The following SENP6 variants were observed in gnomAD, a reference collection of about 807,000 sequenced individuals.
SENP6 encodes the protein sentrin-specific protease 6.
Under a neutral mutation model 134.5 loss-of-function variants are expected in SENP6, and 41 were observed. The observed-to-expected ratio is 0.30, with a 90% CI of 0.24 to 0.40. SENP6 has a LOEUF of 0.40. Ranked by LOEUF, SENP6 falls within the 10% of genes least tolerant of loss-of-function variation. The probability of loss-of-function intolerance (pLI) is 1.00; values close to 1 mark genes in which losing one functional copy is unlikely to be tolerated. For missense variants in SENP6, 1,248 were observed against 1,312.5 expected (o/e 0.95, Z 0.76); for synonymous variants, 395 against 429.8 (o/e 0.92, Z 1.00).
In SENP6 at chr6:75,713,675, G is replaced by C; in HGVS notation, c.2979G>C (p.Glu993Asp). The C allele has an allele frequency of 6.2e-7, 1 of 1,608,612 alleles. No individual in the cohort carries two copies. The highest frequency in any genetic ancestry group is 2.2e-5 in the East Asian group (1 of 44,796). The change falls in exon 23 of 24, where the codon GAG becomes GAC. Residue 993 changes from glutamate to aspartate, a missense_variant and splice_region_variant. Physicochemically the swap from Glu to Asp is conservative, Grantham distance 45 (BLOSUM62 2). Around this residue, in one of 3 missense-constraint regions of SENP6, gnomAD observed 386 missense variants for 395.0 expected, o/e 0.98. Transcript: ENST00000447266. ...TCTTAATATATATGAATTATTGCAG[G>C]TATTTAGAAGTGGAATGGGAAGTTA... ...SRSNVVKILR[E>D]YLEVEWEVKK...
chr6:75,709,717 C>A, intron 20 of SENP6, 87 bp downstream of exon 20: 2 of 864,066 alleles, frequency 2.3e-6, no homozygotes, highest in South Asian at 1.6e-5. Context: ...CACCTGTAGT[C>A]CCAGTGACTT....
intron 19 of SENP6, among the ~76,000 whole-genome samples, chr6:75,704,985 G>A (rs1775292954): frequency 1.3e-5 from 2 of 152,212 alleles, no homozygotes; most frequent in South Asian, 4.1e-4. Flanking sequence ...CAAAGTTACA[G>A]CATCTCAGGG....
chr6:75,676,959 A>G (rs1487255982), intron 13 of SENP6, 71 bp from the exon 14 acceptor site: 20 of 752,372 alleles, frequency 2.7e-5, no homozygotes, highest in Non-Finnish European at 4.3e-5. Context: ...AGAATTAATA[A>G]TTACTCCTTT....
At chr6:75,660,424 A>G (rs1378799015) in intron 8 of SENP6, among the ~76,000 whole-genome samples, 1 of 152,132 alleles carries the variant, frequency 6.6e-6, no homozygotes, top group South Asian at 2.1e-4. Flanking sequence ...GCATGTACAT[A>G]TGAATACTTT....
intron 1 of SENP6, among the ~76,000 whole-genome samples, chr6:75,619,157 C>T (rs1206980679): frequency 1.3e-5 from 2 of 151,948 alleles, no homozygotes; most frequent in African/African-American, 4.8e-5. Context: ...GTGCAGCCAC[C>T]ACCAATATTT....
chr6:75,609,764 GTTTTGT>G (rs1018206029), intron 1 of SENP6, among the ~76,000 whole-genome samples: 1 of 152,120 alleles, frequency 6.6e-6, no homozygotes, highest in African/African-American at 2.4e-5. Context: ...TTAGTTTAAT[GTTTTGT>G]TTTTGTTTTT....
intron 16 of SENP6, among the ~76,000 whole-genome samples, chr6:75,691,704 C>T (rs997006156): frequency 6.6e-6 from 1 of 152,000 alleles, no homozygotes; most frequent in Non-Finnish European, 1.5e-5. Flanking sequence ...GAGGCATTCT[C>T]CTGCCTCAGC....
intron 1 of SENP6, among the ~76,000 whole-genome samples, chr6:75,609,988 A>G (rs1223441945): frequency 6.6e-6 from 1 of 152,070 alleles, no homozygotes; most frequent in East Asian, 1.9e-4. Flanking sequence ...GGGTTTCTCC[A>G]TGTTGTCCAG....
At chr6:75,648,546 T>G (rs527731738) in intron 7 of SENP6, among the ~76,000 whole-genome samples, 1 of 152,188 alleles carries the variant, frequency 6.6e-6, no homozygotes, top group Non-Finnish European at 1.5e-5. Context: ...TGAAAATCTT[T>G]TGTGCATGTA....
intron 1 of SENP6, among the ~76,000 whole-genome samples, chr6:75,606,298 G>C (rs961801042): frequency 2.0e-5 from 3 of 152,166 alleles, no homozygotes; most frequent in Non-Finnish European, 4.4e-5. Flanking sequence ...TTAAGCCACA[G>C]CTTGTGTTAA....
Position 75,675,927 on chromosome 6 carries a change from T to A in SENP6, c.1494T>A (p.Asn498Lys). The A allele has an allele frequency of 6.2e-7, 1 of 1,612,576 alleles. No homozygotes were observed. Reference protein sequence around the residue: ...TSDLTKCEWCNVRKLPVVFLQ... With the variant: ...TSDLTKCEWCKVRKLPVVFLQ... Reference sequence around the variant, plus strand: ...ATCTAACTAAATGTGAATGGTGTAATGTCCGAAAATTACCTGTAGTGTTTC... The same window carrying A: ...ATCTAACTAAATGTGAATGGTGTAAAGTCCGAAAATTACCTGTAGTGTTTC... The change falls in exon 13 of 24, where the codon AAT becomes AAA. Residue 498 changes from asparagine (N) to lysine (K), a missense_variant. Physicochemically the swap from Asn to Lys is moderately conservative, Grantham distance 94. This residue lies in a region of SENP6 where 733 missense variants were observed against 725.4 expected (regional missense o/e 1.01). Transcript: ENST00000447266.
rs570562796 is a variant in SENP6, at chr6:75,716,085, T to C, written c.*491T>C. ...ATATTTTGAACTAAGCATCTTTATA[T>C]GCTTGTGTAACAGGAACAAAGTAAC... On this transcript the variant is annotated 3_prime_UTR_variant, in exon 24 of 24. Coordinates refer to ENST00000447266, the MANE Select transcript of SENP6 (RefSeq NM_015571.4). The C allele has an allele frequency of 1.3e-5, 2 of 152,616 alleles. No individual in the cohort carries two copies. The highest frequency in any genetic ancestry group is 1.3e-4 in the Admixed American group (2 of 15,288). The allele number at this position is 152,616 out of a possible 1,614,324, so 9.5% of individuals were successfully genotyped here.
chr6:75,673,210 A>G (rs912089885), intron 11 of SENP6, among the ~76,000 whole-genome samples: 3 of 152,172 alleles, frequency 2.0e-5, no homozygotes, highest in Admixed American at 2.0e-4. Flanking sequence ...TATTAGGAAT[A>G]CCACATATGC....
intron 1 of SENP6, among the ~76,000 whole-genome samples, chr6:75,612,349 A>G (rs748257325): frequency 2.8e-4 from 42 of 152,266 alleles, no homozygotes; most frequent in Non-Finnish European, 5.7e-4. Flanking sequence ...TGCTGCATTT[A>G]TATTTCTAAG....
chr6:75,677,377 C>A, intron 14 of SENP6, 121 bp downstream of exon 14: 1 of 791,904 alleles, frequency 1.3e-6, no homozygotes, highest in South Asian at 2.4e-5. Context: ...TTCAGAATTA[C>A]TTACTTTTAT....
rs367595448 is a variant in SENP6, at chr6:75,715,351, C to T, written c.3130-34C>T. The T allele has an allele frequency of 5.6e-6, 8 of 1,418,510 alleles. No homozygotes were observed. The African/African-American group carries it at 1.2e-4, about 20-fold the overall frequency. 87.9% of individuals were successfully genotyped at this position (1,418,510 alleles called of 1,614,324 possible). A position where few individuals can be genotyped will look rare whatever the true frequency, so the allele number is the denominator to read the frequency against. On this transcript the variant is annotated intron_variant, in intron 23 of 23. Coordinates refer to ENST00000447266, the MANE Select transcript of SENP6 (RefSeq NM_015571.4). ...GATTGAAATGAAAGGTTATTTATTA[C>T]AGTTTTCTAATACGCATTTAATTGT...
intron 11 of SENP6, among the ~76,000 whole-genome samples, chr6:75,672,211 T>C (rs1029712366): frequency 6.6e-5 from 10 of 152,216 alleles, no homozygotes; most frequent in African/African-American, 2.4e-4. Context: ...CTGTAACTTT[T>C]ACGGCTTTCT....
Position 75,695,898 on chromosome 6 carries a change from A to G in SENP6, c.2170A>G (p.Arg724Gly). Residue 724 changes from arginine (R) to glycine (G), a missense_variant, in exon 17 of 24, where the codon AGA (arginine) becomes GGA (glycine). Arg to Gly is a moderately radical substitution (Grantham distance 125). This residue lies in a region of SENP6 where 129 missense variants were observed against 192.0 expected (regional missense o/e 0.67). Coordinates refer to ENST00000447266, the MANE Select transcript of SENP6 (RefSeq NM_015571.4). The part of the protein sequence containing the change: ...FYKRLNQRER[R>G]NHETTNLSIQ... ...TAAACGCCTTAATCAGAGAGAGAGGAGAAATCATGAAACAACTAATCTGTC... is the reference window on the plus strand; with the variant it reads ...TAAACGCCTTAATCAGAGAGAGAGGGGAAATCATGAAACAACTAATCTGTC... 1 of 1,603,010 alleles carries G rather than the reference A, an allele frequency of 6.2e-7. No homozygotes were observed. The highest frequency in any genetic ancestry group is 2.2e-5 in the East Asian group (1 of 44,514).
chr6:75,717,188 T>G lies in SENP6; in HGVS notation c.*1594T>G, dbSNP rs1776061310. The G allele has an allele frequency of 2.0e-5, 3 of 152,086 alleles. No homozygotes were observed. The highest frequency in any genetic ancestry group is 2.0e-4 in the Admixed American group (3 of 15,268). The allele number at this position is 152,086 out of a possible 1,614,324, so 9.4% of individuals were successfully genotyped here. ...TTATTTACTGAACATGGCAAAATGCTTTTCAATCTATAATAAAACTGGGAT... is the reference window on the plus strand; with the variant it reads ...TTATTTACTGAACATGGCAAAATGCGTTTCAATCTATAATAAAACTGGGAT... On this transcript the variant is annotated 3_prime_UTR_variant, in exon 24 of 24. Coordinates refer to ENST00000447266, the MANE Select transcript of SENP6 (RefSeq NM_015571.4).
Sources: allele counts gnomAD v4.1 joint callset (sites outside exome capture counted in the v4.1 genomes callset), GRCh38; gene constraint gnomAD v4.1.1; regional missense constraint gnomAD v4.1.1; transcripts MANE v1.5; gene names NCBI Gene and HGNC (gene_info 2026-07-23, HGNC 2026-07-21).